The following SCFD2 variants were observed in gnomAD, a reference collection of about 807,000 sequenced individuals.
SCFD2 encodes sec1 family domain containing 2.
In SCFD2, 54 loss-of-function variants were observed where a neutral mutation model predicts 58.9. That is an observed-to-expected ratio of 0.92 (90% CI 0.74 to 1.15). The LOEUF (loss-of-function observed/expected upper bound fraction) is 1.15, where lower values mean the gene tolerates loss of function less well. SCFD2 is among the 50% of genes most tolerant of loss of function. The pLI is 0.00. For synonymous variants in SCFD2, 321 were observed against 335.9 expected (o/e 0.96, Z 0.49); for missense variants, 805 against 836.6 (o/e 0.96, Z 0.47).
At chr4:53,198,616 TG>T (rs940939395) in intron 4 of SCFD2, among the ~76,000 whole-genome samples, 9 of 152,124 alleles carry the variant, frequency 5.9e-5, no homozygotes, top group African/African-American at 9.6e-5. Context: ...TGTCCATTTT[TG>T]TTTAAGTTGT....
intron 4 of SCFD2, among the ~76,000 whole-genome samples, chr4:53,250,248 T>G (rs912588593): frequency 6.6e-6 from 1 of 151,354 alleles, no homozygotes; most frequent in African/African-American, 2.5e-5. Context: ...CAAGAAGAAC[T>G]AACTATCCTA....
chr4:52,958,189 C>T (rs1159462042), intron 5 of SCFD2: 1 of 152,228 alleles, frequency 6.6e-6, no homozygotes, highest in African/African-American at 2.4e-5. Flanking sequence ...AACAAAGACA[C>T]TTTAAGTCCA....
intron 4 of SCFD2, among the ~76,000 whole-genome samples, chr4:53,174,521 G>GCT (rs1196271957): frequency 1.3e-5 from 2 of 152,150 alleles, no homozygotes; most frequent in East Asian, 3.8e-4. Flanking sequence ...GCTGAAAATA[G>GCT]TAAAATAAAT....
At chr4:52,907,087 G>A (rs906845245) in intron 7 of SCFD2, among the ~76,000 whole-genome samples, 1 of 152,170 alleles carries the variant, frequency 6.6e-6, no homozygotes, top group African/African-American at 2.4e-5. Flanking sequence ...TACATAATCA[G>A]TTCTAGAATT....
chr4:53,088,948 C>A lies in SCFD2; in HGVS notation c.1561+56385G>T, dbSNP rs150793547. On this transcript the variant is annotated intron_variant, in intron 5 of 8. Transcript: ENST00000401642. ...TTGGTAGGTGATAAGGCCATGAGGG[C>A]AGAGTCCTTATGAATGGAATTAGTG... Among the ~76,000 whole-genome samples the A allele has an allele frequency of 1.9e-3, 287 of 152,180 alleles. 3 individuals are homozygous for A. The highest frequency in any genetic ancestry group is 6.6e-3 in the African/African-American group (274 of 41,532).
chr4:53,111,004 G>C (rs57599232), intron 5 of SCFD2, among the ~76,000 whole-genome samples: 2,969 of 152,310 alleles, frequency 0.019, 67 homozygotes, highest in East Asian at 0.11. Flanking sequence ...ATACTATGCA[G>C]CCATAAAAAG....
At chr4:52,957,007 A>G (rs1720727114) in intron 5 of SCFD2, 1 of 152,342 alleles carries the variant, frequency 6.6e-6, no homozygotes, top group Non-Finnish European at 1.5e-5. Context: ...CAGGTCTTCA[A>G]TGCTTTGGGG....
At chr4:53,263,365 C>T (rs1730883890) in intron 4 of SCFD2, among the ~76,000 whole-genome samples, 1 of 152,256 alleles carries the variant, frequency 6.6e-6, no homozygotes, top group East Asian at 1.9e-4. Context: ...GGTTCCTTCT[C>T]ATTTAGGTAA....
At chr4:53,322,551 A>G (rs1733058531) in intron 2 of SCFD2, among the ~76,000 whole-genome samples, 1 of 152,232 alleles carries the variant, frequency 6.6e-6, no homozygotes, top group Non-Finnish European at 1.5e-5. Context: ...CTATCAGCCC[A>G]TTAATGATTA....
intron 5 of SCFD2, among the ~76,000 whole-genome samples, chr4:53,104,948 C>A (rs1724943104): frequency 1.3e-5 from 2 of 152,108 alleles, no homozygotes; most frequent in South Asian, 4.1e-4. Flanking sequence ...GAGATCAACA[C>A]AAAAGGAAGG....
intron 3 of SCFD2, among the ~76,000 whole-genome samples, chr4:53,302,929 A>T (rs1375550118): frequency 6.6e-6 from 1 of 152,224 alleles, no homozygotes. Flanking sequence ...TCCCTTCTTT[A>T]CACCTTACAC....
chr4:53,055,028 T>G (rs1560315874), intron 5 of SCFD2, among the ~76,000 whole-genome samples: 1 of 152,112 alleles, frequency 6.6e-6, no homozygotes, highest in Non-Finnish European at 1.5e-5. Context: ...AGTTTGTGTT[T>G]GTGAGTTGTA....
chr4:53,354,353 C>T (rs891172086), intron 1 of SCFD2, among the ~76,000 whole-genome samples: 3 of 152,174 alleles, frequency 2.0e-5, no homozygotes, highest in East Asian at 1.9e-4. Context: ...CTGCCTGGAC[C>T]GGCCGGCCAC....
intron 5 of SCFD2, among the ~76,000 whole-genome samples, chr4:53,140,290 G>A (rs1252026693): frequency 6.7e-6 from 1 of 149,388 alleles, no homozygotes; most frequent in African/African-American, 2.5e-5. Context: ...TATTGAATCT[G>A]TACTGGTCTT....
chr4:52,951,307 G>A (rs1353310278), intron 5 of SCFD2, among the ~76,000 whole-genome samples: 1 of 152,166 alleles, frequency 6.6e-6, no homozygotes, highest in Non-Finnish European at 1.5e-5. Flanking sequence ...CTAAGACACG[G>A]AGAAGCATAG....
intron 4 of SCFD2, among the ~76,000 whole-genome samples, chr4:53,230,682 T>C (rs1729408793): frequency 1.3e-5 from 2 of 151,150 alleles, no homozygotes; most frequent in Non-Finnish European, 2.9e-5. Context: ...AATGACGAGT[T>C]AATGGGTACA....
At position 52,873,407 on chromosome 4, in the gene SCFD2, T is replaced by C. The variant is rs2109434408; in HGVS notation, c.*562A>G. On this transcript the variant is annotated 3_prime_UTR_variant, in exon 9 of 9. Coordinates refer to ENST00000401642, the MANE Select transcript of SCFD2 (RefSeq NM_152540.4). ...TTATGGCAGGATGATTTACAACACA[T>C]GCAGGCTACCAGCACTGCCCCAGAC... 6.5e-6 allele frequency: 1 copy of C among 152,834 alleles called. No individual in the cohort carries two copies. The highest frequency in any genetic ancestry group is 1.9e-4 in the East Asian group (1 of 5,200). 9.5% of individuals were successfully genotyped at this position (152,834 alleles called of 1,614,324 possible).
intron 3 of SCFD2, among the ~76,000 whole-genome samples, chr4:53,275,480 A>T (rs1198702452): frequency 6.6e-6 from 1 of 152,186 alleles, no homozygotes; most frequent in Non-Finnish European, 1.5e-5. Context: ...CATAGAAAAA[A>T]ACCTCATTAA....
At chr4:52,984,013 G>A (rs1323540790) in intron 5 of SCFD2, among the ~76,000 whole-genome samples, 1 of 152,170 alleles carries the variant, frequency 6.6e-6, no homozygotes, top group African/African-American at 2.4e-5. Context: ...TTTTGACTGA[G>A]TAAATAGGGT....
Sources: allele counts gnomAD v4.1 joint callset (sites outside exome capture counted in the v4.1 genomes callset), GRCh38; gene constraint gnomAD v4.1.1; transcripts MANE v1.5; gene names NCBI Gene and HGNC (gene_info 2026-07-23, HGNC 2026-07-21).